XPO6: variants seen among roughly 807,000 people sequenced by gnomAD.
XPO6 encodes exportin-6.
A neutral mutation model predicts 130.0 loss-of-function variants in XPO6; 3 were observed. The observed-to-expected ratio is 0.02, with a 90% confidence interval of 0.01 to 0.06. XPO6 has a LOEUF of 0.06. Ranked by LOEUF, XPO6 falls within the 10% of genes least tolerant of loss-of-function variation. XPO6 has a pLI of 1.00. For synonymous variants in XPO6, 524 were observed against 548.9 expected (o/e 0.95, Z 0.63); for missense variants, 970 against 1,393.0 (o/e 0.70, Z 4.83).
rs372198359 is a variant in XPO6, at chr16:28,156,269, G to A, written c.902C>T (p.Ser301Leu). Residue 301 changes from serine (S) to leucine (L), a missense_variant, in exon 7 of 24, where the codon TCG becomes TTG. By Grantham distance (145) the Ser-to-Leu change is moderately radical (BLOSUM62 -2). This residue lies in a region of XPO6 where 936 missense variants were observed against 1,306.8 expected (regional missense o/e 0.72). Transcript: ENST00000304658. ...CCCCAGCCGGCCGCGCTCCTGACCC[G>A]AGACACAGTTCTGGCTGCTGCCGTT... is the stretch of plus-strand genomic sequence containing the variant. ...SVNGSSQNCV[S>L]GQERGRLGVL... The A allele has an allele frequency of 2.9e-5, 46 of 1,613,986 alleles. No homozygotes were observed. Among genetic ancestry groups the A allele is most frequent in the South Asian group, 3.3e-5 (3 of 91,084 alleles).
chr16:28,106,079 G>C lies in XPO6; in HGVS notation c.2748C>G (p.Ala916=). The C allele has an allele frequency of 6.2e-7, 1 of 1,614,174 alleles. No individual in the cohort carries two copies. Among genetic ancestry groups the C allele is most frequent in the Non-Finnish European group, 8.5e-7 (1 of 1,180,006 alleles). The change falls in exon 20 of 24, where the codon GCC becomes GCG. Residue 916 remains alanine, a synonymous_variant. Coordinates refer to ENST00000304658, the MANE Select transcript of XPO6 (RefSeq NM_015171.4). This position sits in a 1 kb window ranked among gnomAD's most constrained non-coding sequence, Gnocchi z 4.2. ...TGGGATACACTTGCTCCATGCACAG[G>C]GCGATGATGCTGGGGAGGAAGGGCT... ...VFKPFLPSII[A]LCMEQVYPII...
chr16:28,118,068 G>A (rs2087116149), intron 14 of XPO6, among the ~76,000 whole-genome samples: 2 of 152,218 alleles, frequency 1.3e-5, no homozygotes, highest in East Asian at 1.9e-4. Flanking sequence ...AACAAGGAGA[G>A]ACAGTTGTCT....
At position 28,190,743 on chromosome 16, in the gene XPO6, G is replaced by A. The variant is rs114342162; in HGVS notation, c.4-9712C>T. Among the ~76,000 whole-genome samples, 686 of 152,246 alleles carry A rather than the reference G, an allele frequency of 4.5e-3. 6 individuals are homozygous for A. Among genetic ancestry groups the A allele is most frequent in the African/African-American group, 0.016 (666 of 41,542 alleles). ...GATGGTAACTGTACCATAGTCATGT[G>A]GGAGAATGCCCCTATTAAGAAATAT... On this transcript the variant is annotated intron_variant, in intron 1 of 23. Transcript: ENST00000304658.
At chr16:28,205,871 C>T (rs1257985149) in intron 1 of XPO6, among the ~76,000 whole-genome samples, 1 of 151,926 alleles carries the variant, frequency 6.6e-6, no homozygotes, top group Non-Finnish European at 1.5e-5. Context: ...AACCCCATCT[C>T]TACTAAAAAT....
chr16:28,100,619 C>T (rs1388996718), intron 23 of XPO6, among the ~76,000 whole-genome samples: 1 of 152,248 alleles, frequency 6.6e-6, no homozygotes, highest in Non-Finnish European at 1.5e-5. Context: ...TCACAGAGGA[C>T]TCAGGTCAAG....
Position 28,138,227 on chromosome 16 carries a change from T to C in XPO6, c.1335-2903A>G, listed in dbSNP as rs539646480. 2.0e-5 allele frequency among the ~76,000 whole-genome samples: 3 copies of C among 152,312 alleles called. No homozygotes were observed. The South Asian group carries it at 6.2e-4, about 32-fold the overall frequency. ...CCTAGAGTTTATGTTTTTGCCTTTG[T>C]TCAAGACATAAATTTCTAAAGTTAC... On this transcript the variant is annotated intron_variant, in intron 9 of 23. Transcript: ENST00000304658.
At chr16:28,104,454 C>T (rs1377137073) in intron 21 of XPO6, 92 bp downstream of exon 21, 6 of 1,492,790 alleles carry the variant, frequency 4.0e-6, no homozygotes, top group African/African-American at 1.4e-5. Flanking sequence ...AACTGAGCTT[C>T]AGACCCGAGA....
Position 28,166,505 on chromosome 16 carries a change from TAC to T in XPO6, c.643+1_643+2del. ...AATGCCTTGGCTGGCAGGCAGACCA[TAC>T]CACTTTCTCCTGAGGTCGGGGATGG... On this transcript the variant is annotated splice_donor_variant, in intron 6 of 23. Transcript: ENST00000304658. LOFTEE classifies it high-confidence loss of function. 1 of 1,582,784 alleles carries T rather than the reference TAC, an allele frequency of 6.3e-7. No homozygotes were observed. Among genetic ancestry groups the T allele is most frequent in the Non-Finnish European group, 8.6e-7 (1 of 1,162,802 alleles).
chr16:28,114,346 G>A (rs868356529), intron 15 of XPO6, among the ~76,000 whole-genome samples: 7 of 152,052 alleles, frequency 4.6e-5, no homozygotes, highest in Non-Finnish European at 1.0e-4. Context: ...CATAAAAAGA[G>A]AAAAAAGTCT....
intron 4 of XPO6, 91 bp downstream of exon 4, chr16:28,175,807 C>T: frequency 1.7e-6 from 2 of 1,190,190 alleles, no homozygotes; most frequent in Middle Eastern, 2.3e-4. Context: ...TTCCAAACTG[C>T]TAATCTTAAA....
chr16:28,149,305 T>G (rs2043043960), intron 8 of XPO6, among the ~76,000 whole-genome samples: 2 of 152,168 alleles, frequency 1.3e-5, no homozygotes, highest in Non-Finnish European at 2.9e-5. Context: ...TGCTGAGCAC[T>G]GCTACCTGGA....
chr16:28,111,683 T>C (rs1033452775), intron 17 of XPO6, 134 bp downstream of exon 17: 5 of 928,736 alleles, frequency 5.4e-6, no homozygotes, highest in African/African-American at 5.0e-5. Context: ...CAAGTATGAC[T>C]TCCTGCTCAG....
In XPO6 at chr16:28,117,248, T is replaced by C. The variant is rs1487100975; in HGVS notation, c.2004+70A>G. Reference sequence around the variant, plus strand: ...TCTGTGTCATATTTAGATTTTCTAGTAAATGGGTATAGGAACAGAAGGAGA... The same window carrying C: ...TCTGTGTCATATTTAGATTTTCTAGCAAATGGGTATAGGAACAGAAGGAGA... On this transcript the variant is annotated intron_variant, in intron 15 of 23. Transcript: ENST00000304658. 3 of 1,575,242 alleles carry C rather than the reference T, an allele frequency of 1.9e-6. No individual in the cohort carries two copies. The African/African-American group carries it at 4.0e-5, about 21-fold the overall frequency.
At position 28,202,876 on chromosome 16, in the gene XPO6, T is replaced by A. The variant is rs139897918; in HGVS notation, c.3+8490A>T. ...AAGAAAAGAAAAGGAGATCAGTGGC[T>A]GCCAAAGGCCACACTGAGAGGTCAA... On this transcript the variant is annotated intron_variant, in intron 1 of 23. Coordinates refer to ENST00000304658, the MANE Select transcript of XPO6 (RefSeq NM_015171.4). Among the ~76,000 whole-genome samples the A allele has an allele frequency of 2.2e-3, 328 of 152,322 alleles. 2 individuals carry two copies. The highest frequency in any genetic ancestry group is 6.9e-3 in the African/African-American group (288 of 41,570).
chr16:28,167,182 C>T (rs1014378764), intron 5 of XPO6: 4 of 985,288 alleles, frequency 4.1e-6, no homozygotes, highest in Non-Finnish European at 2.4e-6. Flanking sequence ...ACTATATACA[C>T]CAAGCTCTGC....
chr16:28,151,564 G>A (rs933706766), intron 8 of XPO6, among the ~76,000 whole-genome samples: 2 of 152,178 alleles, frequency 1.3e-5, no homozygotes, highest in Non-Finnish European at 2.9e-5. Flanking sequence ...AGAAACGAGG[G>A]GAAGTGATTG....
chr16:28,156,049 C>G, intron 7 of XPO6, 25 bp downstream of exon 7: 2 of 1,571,586 alleles, frequency 1.3e-6, no homozygotes, highest in East Asian at 2.2e-5. Context: ...TTGGGGCACA[C>G]CAGCTCCACA....
chr16:28,170,006 A>C, intron 4 of XPO6, 97 bp from the exon 5 acceptor site: 2 of 1,466,322 alleles, frequency 1.4e-6, no homozygotes, highest in Non-Finnish European at 1.9e-6. Flanking sequence ...GTGTGTGTTT[A>C]ATCTTACATG....
chr16:28,135,169 G>A, intron 10 of XPO6, 47 bp downstream of exon 10: 9 of 1,522,672 alleles, frequency 5.9e-6, no homozygotes, highest in Non-Finnish European at 8.2e-6. Context: ...TCTGATTGAT[G>A]TCACAACATG....
Sources: gnomAD v4.1 joint callset for allele counts (sites outside exome capture counted in the v4.1 genomes callset) on GRCh38, gnomAD v4.1.1 for gene constraint, gnomAD v4.1.1 regional missense constraint, Gnocchi (gnomAD v3.1) non-coding constraint, MANE v1.5 for transcripts, NCBI Gene and HGNC (gene_info 2026-07-23, HGNC 2026-07-21) for gene names.